Variants in EMILIN2 observed in about 807,000 individuals in gnomAD.
The protein encoded by EMILIN2 is EMILIN-2.
EMILIN2 carries 71 observed loss-of-function variants against 87.1 expected under a neutral mutation model. The observed-to-expected ratio is 0.82, with a 90% CI of 0.67 to 0.99. EMILIN2 has a LOEUF of 0.99. Ranked by LOEUF, EMILIN2 falls within the 50% of genes least tolerant of loss-of-function variation. EMILIN2 has a pLI of 0.00. For synonymous variants in EMILIN2, 581 were observed against 563.4 expected, an observed-to-expected ratio of 1.03 and a Z score of -0.44; for missense variants, 1,407 against 1,371.8, an observed-to-expected ratio of 1.03 and a Z score of -0.40.
chr18:2,891,906 G>T lies in EMILIN2; in HGVS notation c.1779G>T (p.Lys593Asn), dbSNP rs750420919. Reference protein sequence around the residue: ...LKSLNDTMHRKFQETEQTIQK... With the variant: ...LKSLNDTMHRNFQETEQTIQK... The stretch of plus-strand genomic sequence containing the variant: ...CTCTCAACGACACGATGCACAGGAA[G>T]TTTCAAGAAACCGAACAAACCATCC... Residue 593 changes from lysine (K) to asparagine (N), a missense_variant, in exon 4 of 8, where the codon AAG (lysine) becomes AAT (asparagine). Transcript: ENST00000254528. The surrounding 1 kb of genome is among the most constrained non-coding windows in gnomAD (Gnocchi z 4.6). The T allele has an allele frequency of 5.0e-6, 8 of 1,614,216 alleles. No individual in the cohort carries two copies. The highest frequency in any genetic ancestry group is 1.7e-5 in the Admixed American group (1 of 60,018).
chr18:2,893,701 G>A (rs2076850679), intron 4 of EMILIN2, among the ~76,000 whole-genome samples: 3 of 152,138 alleles, frequency 2.0e-5, no homozygotes. Flanking sequence ...GAGGGAGCTC[G>A]CGTTTTTGAA....
chr18:2,853,944 G>A (rs2076614271), intron 2 of EMILIN2, among the ~76,000 whole-genome samples: 2 of 152,204 alleles, frequency 1.3e-5, no homozygotes, highest in South Asian at 4.1e-4. Context: ...GACTGGCGTT[G>A]TTTTCTTTCA....
In EMILIN2 at chr18:2,915,413, G is replaced by A. The variant is rs2076962599; in HGVS notation, c.*2009G>A. The A allele has an allele frequency of 6.6e-6, 1 of 152,232 alleles. No homozygotes were observed. Among genetic ancestry groups the A allele is most frequent in the Admixed American group, 6.5e-5 (1 of 15,284 alleles). The allele number at this position is 152,232 out of a possible 1,614,324, so 9.4% of individuals were successfully genotyped here. The stretch of plus-strand genomic sequence containing the variant: ...AACAACAAGGTCAGCTGAGCTTAAG[G>A]CTGTGGGGTTCGAAGCAGCCCTTCA... On this transcript the variant is annotated 3_prime_UTR_variant, in exon 8 of 8. Transcript: ENST00000254528.
intron 2 of EMILIN2, among the ~76,000 whole-genome samples, chr18:2,852,005 T>C (rs2076604066): frequency 6.6e-6 from 1 of 152,218 alleles, no homozygotes; most frequent in African/African-American, 2.4e-5. Flanking sequence ...GACTGCCCTC[T>C]GTCTCTATAG....
In EMILIN2 at chr18:2,913,578, C is replaced by T. The variant is rs2076953068; in HGVS notation, c.*174C>T. ...TGCCTTACTGCATCCAGCCAGGCTGCAGGGAGTGAGGCACACGGTGAACAT... is the reference window on the plus strand; with the variant it reads ...TGCCTTACTGCATCCAGCCAGGCTGTAGGGAGTGAGGCACACGGTGAACAT... On this transcript the variant is annotated 3_prime_UTR_variant, in exon 8 of 8. Coordinates refer to ENST00000254528, the MANE Select transcript of EMILIN2 (RefSeq NM_032048.3). 4 of 593,130 alleles carry T rather than the reference C, an allele frequency of 6.7e-6. No homozygotes were observed. The highest frequency in any genetic ancestry group is 1.2e-5 in the Non-Finnish European group (4 of 341,910). The allele number at this position is 593,130 out of a possible 1,614,324, so 36.7% of individuals were successfully genotyped here. A position where few individuals can be genotyped will look rare whatever the true frequency, so the allele number is the denominator to read the frequency against.
intron 2 of EMILIN2, among the ~76,000 whole-genome samples, chr18:2,884,427 G>A (rs557751826): frequency 5.1e-4 from 76 of 149,984 alleles, no homozygotes; most frequent in South Asian, 3.4e-3. Flanking sequence ...CGTATTTTTT[G>A]TAGAGACTAG....
At position 2,892,591 on chromosome 18, in the gene EMILIN2, G is replaced by A. The variant is rs1325663709; in HGVS notation, c.2359+105G>A. ...TTTTGATATTGTTGAAACTTCATGA[G>A]GTAAAAATGTGACAGTATTATGCTA... On this transcript the variant is annotated intron_variant, in intron 4 of 7. Transcript: ENST00000254528. The A allele has an allele frequency of 4.9e-6, 7 of 1,429,542 alleles. No individual in the cohort carries two copies. The Admixed American group carries it at 1.4e-4, about 28-fold the overall frequency. 88.6% of individuals were successfully genotyped at this position (1,429,542 alleles called of 1,614,324 possible). A position where few individuals can be genotyped will look rare whatever the true frequency, so the allele number is the denominator to read the frequency against.
chr18:2,910,345 C>G (rs1323875173), intron 7 of EMILIN2, among the ~76,000 whole-genome samples: 1 of 152,224 alleles, frequency 6.6e-6, no homozygotes, highest in Non-Finnish European at 1.5e-5. Flanking sequence ...CTGAGTCTTT[C>G]TGCAGCGCCT....
intron 4 of EMILIN2, among the ~76,000 whole-genome samples, chr18:2,905,305 G>GT (rs1383847876): frequency 9.5e-5 from 9 of 94,312 alleles, no homozygotes; most frequent in Non-Finnish European, 1.4e-4. Flanking sequence ...TGGGGCGGGG[G>GT]GGGGGCATGT....
Position 2,913,246 on chromosome 18 carries a change from T to C in EMILIN2, c.3004T>C (p.Cys1002Arg). Residue 1002 changes from cysteine (C) to arginine (R), a missense_variant, in exon 8 of 8, where the codon TGC (cysteine) becomes CGC (arginine). Coordinates refer to ENST00000254528, the MANE Select transcript of EMILIN2 (RefSeq NM_032048.3). ...CCGCCCTCCAGGAGCTTTGCATACCTGCGGGGGCCCGGGGGCATTCCACCT... is the reference window on the plus strand; with the variant it reads ...CCGCCCTCCAGGAGCTTTGCATACCCGCGGGGGCCCGGGGGCATTCCACCT... ...YHRPPGALHT[C>R]GGPGAFHLIV... 1 of 1,614,018 alleles carries C rather than the reference T, an allele frequency of 6.2e-7. No homozygotes were observed. The highest frequency in any genetic ancestry group is 8.5e-7 in the Non-Finnish European group (1 of 1,179,954).
rs1254993113 is a variant in EMILIN2, at chr18:2,906,977, G to A, written c.2554G>A (p.Gly852Arg). Residue 852 changes from glycine (G) to arginine (R), a missense_variant, in exon 5 of 8, where the codon GGG (glycine) becomes AGG (arginine). Coordinates refer to ENST00000254528, the MANE Select transcript of EMILIN2 (RefSeq NM_032048.3). Reference protein sequence around the residue: ...TGVIAETGQAGPPAGAGVSGR... With the variant: ...TGVIAETGQARPPAGAGVSGR... ...GGTCATCGCGGAGACGGGCCAGGCC[G>A]GGCCCCCCGCAGGCGCAGGCGTGTC... 1 of 1,389,532 alleles carries A rather than the reference G, an allele frequency of 7.2e-7. No individual in the cohort carries two copies. 86.1% of individuals were successfully genotyped at this position (1,389,532 alleles called of 1,614,324 possible).
At chr18:2,850,744 T>A (rs1055263205) in intron 2 of EMILIN2, among the ~76,000 whole-genome samples, 3 of 152,040 alleles carry the variant, frequency 2.0e-5, no homozygotes, top group African/African-American at 7.2e-5. Flanking sequence ...ATTTCTGCAG[T>A]TGAGAGTGAC....
rs1021656892 is a variant in EMILIN2 at position 2,894,190 on chromosome 18, C to T, written c.2359+1704C>T. On this transcript the variant is annotated intron_variant, in intron 4 of 7. Transcript: ENST00000254528. This position sits in a 1 kb window ranked among gnomAD's most constrained non-coding sequence, Gnocchi z 5.0. ...CGTAGGCTAGAACGTGGGAAGCAGGCGAGCTCTGGCTTGGTCAGGGAGAGC... is the reference window on the plus strand; with the variant it reads ...CGTAGGCTAGAACGTGGGAAGCAGGTGAGCTCTGGCTTGGTCAGGGAGAGC... Among the ~76,000 whole-genome samples the T allele has an allele frequency of 5.3e-5, 8 of 152,076 alleles. No individual in the cohort carries two copies. The highest frequency in any genetic ancestry group is 1.2e-4 in the Non-Finnish European group (8 of 67,988).
At position 2,906,976 on chromosome 18, in the gene EMILIN2, CG is replaced by C. The variant is rs1161736514; in HGVS notation, c.2556del (p.Ala855GlnfsTer41). On this transcript the variant is annotated frameshift_variant, in exon 5 of 8. Coordinates refer to ENST00000254528, the MANE Select transcript of EMILIN2 (RefSeq NM_032048.3). LOFTEE classifies it high-confidence loss of function. ...TGVIAETGQA[G>X]PPAGAGVSGR... ...GGGTCATCGCGGAGACGGGCCAGGCCGGGCCCCCCGCAGGCGCAGGCGTGTC... is the reference window on the plus strand; with the variant it reads ...GGGTCATCGCGGAGACGGGCCAGGCCGGCCCCCCGCAGGCGCAGGCGTGTC... 1.4e-6 allele frequency: 2 copies of C among 1,391,116 alleles called. No individual in the cohort carries two copies. The highest frequency in any genetic ancestry group is 1.6e-5 in the South Asian group (1 of 63,596). The allele number at this position is 1,391,116 out of a possible 1,614,324, so 86.2% of individuals were successfully genotyped here.
Position 2,913,164 on chromosome 18 carries a change from C to T in EMILIN2, c.2922C>T (p.Asn974=), listed in dbSNP as rs775932549. The T allele has an allele frequency of 3.3e-5, 53 of 1,613,934 alleles. No homozygotes were observed. The highest frequency in any genetic ancestry group is 1.2e-4 in the South Asian group (11 of 91,080). ...TGGAAGCAGTGCTGTCGGTCTCCAA[C>T]GCCAGCGTGGCCCAGCTGCATACCG... The part of the protein sequence containing the change: ...AYVEAVLSVS[N]ASVAQLHTAG... Residue 974 remains asparagine, a synonymous_variant, in exon 8 of 8, where the codon AAC becomes AAT. Coordinates refer to ENST00000254528, the MANE Select transcript of EMILIN2 (RefSeq NM_032048.3).
intron 2 of EMILIN2, among the ~76,000 whole-genome samples, chr18:2,882,570 C>A (rs1402413669): frequency 6.6e-6 from 1 of 151,182 alleles, no homozygotes; most frequent in Non-Finnish European, 1.5e-5. Flanking sequence ...CATAGTGAGA[C>A]CCTATCTCTT....
chr18:2,846,697 G>C (rs897336580), upstream of EMILIN2: 8 of 968,104 alleles, frequency 8.3e-6, no homozygotes, highest in Non-Finnish European at 9.8e-6. This position sits in a 1 kb window ranked among gnomAD's most constrained non-coding sequence, Gnocchi z 5.3. Flanking sequence ...GGCCAGACTC[G>C]CCGACGGCGG....
At position 2,909,748 on chromosome 18, in the gene EMILIN2, C is replaced by T; in HGVS notation, c.2753C>T (p.Pro918Leu). 1 of 1,613,674 alleles carries T rather than the reference C, an allele frequency of 6.2e-7. No homozygotes were observed. ...FSAGLTQKPFPSDGGVVLFNK... is the reference protein window; with the variant it reads ...FSAGLTQKPFLSDGGVVLFNK... ...GCGGGGCTCACCCAGAAGCCTTTCC[C>T]CAGTGATGGGGGCGTTGTCCTCTTT... Residue 918 changes from proline (P) to leucine (L), a missense_variant, in exon 7 of 8, where the codon CCC becomes CTC. Physicochemically the swap from Pro to Leu is moderately conservative, Grantham distance 98. Transcript: ENST00000254528.
intron 2 of EMILIN2, among the ~76,000 whole-genome samples, chr18:2,884,329 G>A (rs1430103815): frequency 1.3e-5 from 2 of 152,184 alleles, no homozygotes; most frequent in Admixed American, 1.3e-4. Flanking sequence ...TCAGCTCACT[G>A]CAACCTCCGC....
Sources: gnomAD v4.1 joint callset for allele counts (sites outside exome capture counted in the v4.1 genomes callset) on GRCh38, gnomAD v4.1.1 for gene constraint, Gnocchi (gnomAD v3.1) non-coding constraint, MANE v1.5 for transcripts, NCBI Gene and HGNC (gene_info 2026-07-23, HGNC 2026-07-21) for gene names.